ZDHHC18: variants seen among roughly 807,000 people sequenced by gnomAD.
The protein encoded by ZDHHC18 is zDHHC palmitoyltransferase 18.
A neutral mutation model predicts 37.5 loss-of-function variants in ZDHHC18; 23 were observed. That is an observed-to-expected ratio of 0.61 (90% confidence interval 0.44 to 0.87). ZDHHC18 has a LOEUF of 0.87. Ranked by LOEUF, ZDHHC18 falls within the 40% of genes least tolerant of loss-of-function variation. The pLI is 0.00. For missense variants in ZDHHC18, 406 were observed against 525.6 expected (o/e 0.77, Z 2.22); for synonymous variants, 185 against 218.7 (o/e 0.85, Z 1.36).
intron 2 of ZDHHC18, among the ~76,000 whole-genome samples, chr1:26,833,463 G>A (rs2081597063): frequency 6.6e-6 from 1 of 152,122 alleles, no homozygotes; most frequent in Non-Finnish European, 1.5e-5. Context: ...AGGCGGCACT[G>A]GAGATGAGTG....
chr1:26,848,624 T>C lies in ZDHHC18; in HGVS notation c.513T>C (p.Ser171=), dbSNP rs890543849. ...LEKQIDNTGS[S]TYRPPPRTRE... is the part of the protein sequence containing the mutation. ...TTCCCTCAGACAACACAGGCAGTTC[T>C]ACATACCGGCCACCCCCTCGGACCC... Residue 171 remains serine (S), a synonymous_variant, in exon 3 of 8, where the codon TCT becomes TCC. Coordinates refer to ENST00000374142, the MANE Select transcript of ZDHHC18 (RefSeq NM_032283.3). The C allele has an allele frequency of 1.7e-5, 28 of 1,613,224 alleles. No individual in the cohort carries two copies. Among genetic ancestry groups the C allele is most frequent in the Non-Finnish European group, 2.2e-5 (26 of 1,179,308 alleles).
chr1:26,852,822 A>T lies in ZDHHC18; in HGVS notation c.1006A>T (p.Ile336Phe). Residue 336 changes from isoleucine (I) to phenylalanine (F), a missense_variant, in exon 7 of 8, where the codon ATC becomes TTC. Transcript: ENST00000374142. ...SVNPYSHKSIITNCCAVLCGP... is the reference protein window; with the variant it reads ...SVNPYSHKSIFTNCCAVLCGP... Reference sequence around the variant, plus strand: ...CAACCCCTACAGCCATAAAAGTATTATCACCAACTGCTGTGCTGTGCTCTG... The same window carrying T: ...CAACCCCTACAGCCATAAAAGTATTTTCACCAACTGCTGTGCTGTGCTCTG... The T allele has an allele frequency of 6.2e-7, 1 of 1,614,108 alleles. No individual in the cohort carries two copies. Among genetic ancestry groups the T allele is most frequent in the Non-Finnish European group, 8.5e-7 (1 of 1,179,980 alleles).
rs988256482 is a variant in ZDHHC18 at position 26,852,983 on chromosome 1, CT to C, written c.1049+119del. On this transcript the variant is annotated intron_variant, in intron 7 of 7. Coordinates refer to ENST00000374142, the MANE Select transcript of ZDHHC18 (RefSeq NM_032283.3). ...CTAGATGCCCTCCGTCCACTACCCCCTGGAGGGCATTTGTCATGTGACGGAA... is the reference window on the plus strand; with the variant it reads ...CTAGATGCCCTCCGTCCACTACCCCCGGAGGGCATTTGTCATGTGACGGAA... The C allele has an allele frequency of 1.3e-5, 10 of 769,456 alleles. No individual in the cohort carries two copies. In the African/African-American group the frequency reaches 1.6e-4, roughly 12 times the overall value. 47.7% of individuals were successfully genotyped at this position (769,456 alleles called of 1,614,324 possible).
intron 2 of ZDHHC18, among the ~76,000 whole-genome samples, chr1:26,844,784 T>A (rs909586717): frequency 6.6e-6 from 1 of 152,252 alleles, no homozygotes; most frequent in African/African-American, 2.4e-5. Context: ...CTAATGAATA[T>A]AAGCACTTTT....
chr1:26,853,836 A>T lies in ZDHHC18; in HGVS notation c.1160A>T (p.His387Leu), dbSNP rs116745433. The T allele has an allele frequency of 2.0e-3, 3,242 of 1,613,160 alleles. 70 individuals are homozygous for T. In the African/African-American group the frequency reaches 0.038, roughly 19 times the overall value. ...CCTGATGCCAGCATGGTAGGAGGCC[A>T]CCCCTGACCACGGCTCAGTACTTGC... ...AKPDASMVGG[H>L]P Residue 387 changes from histidine to leucine, a missense_variant, in exon 8 of 8, where the codon CAC (histidine) becomes CTC (leucine). His to Leu is a moderately conservative substitution (Grantham distance 99). Transcript: ENST00000374142.
rs1387070418 is a variant in ZDHHC18, at chr1:26,850,193, G to A, written c.647-108G>A. 1.9e-5 allele frequency: 27 copies of A among 1,414,206 alleles called. No homozygotes were observed. Among genetic ancestry groups the A allele is most frequent in the Non-Finnish European group, 2.3e-5 (24 of 1,041,814 alleles). The allele number at this position is 1,414,206 out of a possible 1,614,324, so 87.6% of individuals were successfully genotyped here. A position where few individuals can be genotyped will look rare whatever the true frequency, so the allele number is the denominator to read the frequency against. ...CAAGGCCTGGGAGCCAGCTGGTGCT[G>A]CGAGAGTGAACGGGGTAGGAAAGCC... On this transcript the variant is annotated intron_variant, in intron 3 of 7. Transcript: ENST00000374142. This position sits in a 1 kb window ranked among gnomAD's most constrained non-coding sequence, Gnocchi z 6.1.
intron 2 of ZDHHC18, among the ~76,000 whole-genome samples, chr1:26,833,537 G>A (rs1204774848): frequency 6.6e-6 from 1 of 152,186 alleles, no homozygotes; most frequent in African/African-American, 2.4e-5. Flanking sequence ...CAGCCTGGGC[G>A]TGTGTGAGGA....
rs765667318 is a variant in ZDHHC18 at position 26,848,631 on chromosome 1, C to A, written c.520C>A (p.Arg174=). ...QIDNTGSSTY[R]PPPRTREVLI... ...AGACAACACAGGCAGTTCTACATAC[C>A]GGCCACCCCCTCGGACCCGGGAGGT... is the stretch of plus-strand genomic sequence containing the variant. Residue 174 remains arginine (R), a synonymous_variant, in exon 3 of 8, where the codon CGG becomes AGG. Transcript: ENST00000374142. 6 of 1,613,554 alleles carry A rather than the reference C, an allele frequency of 3.7e-6. No individual in the cohort carries two copies. The South Asian group carries it at 5.5e-5, about 15-fold the overall frequency.
intron 7 of ZDHHC18, 140 bp downstream of exon 7, chr1:26,853,005 C>A: frequency 7.7e-6 from 5 of 647,514 alleles, no homozygotes; most frequent in Admixed American, 3.2e-5. Flanking sequence ...TGTCATGTGA[C>A]GGAATTCCAT....
intron 2 of ZDHHC18, among the ~76,000 whole-genome samples, chr1:26,842,013 TAATCCCAGCTACCCAGGAGGCTGAGGCA>T (rs2081641562): frequency 1.3e-5 from 2 of 151,796 alleles, no homozygotes; most frequent in Non-Finnish European, 2.9e-5. Context: ...CGGGCACCTG[TAATCCCAGCTACCCAGGAGGCTGAGGCA>T]GAGAATTGCT....
At chr1:26,848,862 A>T (rs973999120) in intron 3 of ZDHHC18, 105 bp downstream of exon 3, 1 of 1,464,792 alleles carries the variant, frequency 6.8e-7, no homozygotes, top group Non-Finnish European at 9.2e-7. Context: ...GGTCTGAAAT[A>T]CCCAGGGCTG....
rs1220614789 is a variant in ZDHHC18 at position 26,857,029 on chromosome 1, AG to A, written c.*3191del. On this transcript the variant is annotated 3_prime_UTR_variant, in exon 8 of 8. Coordinates refer to ENST00000374142, the MANE Select transcript of ZDHHC18 (RefSeq NM_032283.3). ...CCTGTGTGCTCTCTAGGACCCCCAT[AG>A]GGGGCAGGGGCTGGCCTCTTTGCCC... is the stretch of plus-strand genomic sequence containing the variant. 1 of 152,568 alleles carries A rather than the reference AG, an allele frequency of 6.6e-6. No individual in the cohort carries two copies. The highest frequency in any genetic ancestry group is 1.5e-5 in the Non-Finnish European group (1 of 68,354). The allele number at this position is 152,568 out of a possible 1,614,324, so 9.5% of individuals were successfully genotyped here. A position where few individuals can be genotyped will look rare whatever the true frequency, so the allele number is the denominator to read the frequency against.
chr1:26,833,176 T>A (rs1301607179), intron 2 of ZDHHC18, among the ~76,000 whole-genome samples: 1 of 152,046 alleles, frequency 6.6e-6, no homozygotes, highest in African/African-American at 2.4e-5. Context: ...AGCTTGACAG[T>A]TGAGGAGGAG....
intron 1 of ZDHHC18, among the ~76,000 whole-genome samples, chr1:26,828,936 C>T (rs1179175155): frequency 6.6e-6 from 1 of 152,176 alleles, no homozygotes; most frequent in Admixed American, 6.5e-5. Context: ...CCACATGACC[C>T]TGCAGTGTGA....
intron 2 of ZDHHC18, among the ~76,000 whole-genome samples, chr1:26,843,223 A>G (rs1220746883): frequency 6.7e-6 from 1 of 148,810 alleles, no homozygotes; most frequent in Non-Finnish European, 1.5e-5. Flanking sequence ...GCTCACTGCA[A>G]CCTCCACCTC....
intron 2 of ZDHHC18, among the ~76,000 whole-genome samples, chr1:26,835,066 G>A (rs1420069454): frequency 6.6e-6 from 1 of 152,200 alleles, no homozygotes; most frequent in Non-Finnish European, 1.5e-5. Context: ...AAGTTTGGGT[G>A]GAATTCAAGC....
chr1:26,842,815 G>A (rs995737405), intron 2 of ZDHHC18, among the ~76,000 whole-genome samples: 5 of 152,264 alleles, frequency 3.3e-5, no homozygotes, highest in South Asian at 2.1e-4. Context: ...GCCTAGAATC[G>A]TGCCTGGCAC....
chr1:26,841,408 A>G (rs2081638540), intron 2 of ZDHHC18, among the ~76,000 whole-genome samples: 1 of 152,234 alleles, frequency 6.6e-6, no homozygotes, highest in South Asian at 2.1e-4. Flanking sequence ...TGCTGGGATT[A>G]CAGGCATGAG....
At chr1:26,844,399 A>G (rs1472518201) in intron 2 of ZDHHC18, among the ~76,000 whole-genome samples, 1 of 152,176 alleles carries the variant, frequency 6.6e-6, no homozygotes, top group African/African-American at 2.4e-5. Flanking sequence ...TTCGATTCTC[A>G]TTGCTATATA....
Sources: allele counts gnomAD v4.1 joint callset (sites outside exome capture counted in the v4.1 genomes callset), GRCh38; gene constraint gnomAD v4.1.1; non-coding constraint Gnocchi (gnomAD v3.1); transcripts MANE v1.5; gene names NCBI Gene and HGNC (gene_info 2026-07-23, HGNC 2026-07-21).